The following SLIT2 variants were observed in gnomAD, a reference collection of about 807,000 sequenced individuals.
SLIT2 encodes the protein slit guidance ligand 2.
A neutral mutation model predicts 185.7 loss-of-function variants in SLIT2; 41 were observed. The observed-to-expected ratio is 0.22, with a 90% CI of 0.17 to 0.29. The LOEUF (loss-of-function observed/expected upper bound fraction) is 0.29, where lower values mean the gene tolerates loss of function less well. Ranked by LOEUF, SLIT2 falls within the 10% of genes least tolerant of loss-of-function variation. The pLI, the probability that SLIT2 is intolerant of heterozygous loss-of-function variation, is 1.00. For synonymous variants in SLIT2, 693 were observed against 680.2 expected (o/e 1.02, Z -0.29); for missense variants, 1,571 against 1,909.0 (o/e 0.82, Z 3.30).
At chr4:20,570,762 T>TATA (rs1332740694) in intron 29 of SLIT2, among the ~76,000 whole-genome samples, 1 of 134,520 alleles carries the variant, frequency 7.4e-6, no homozygotes, top group South Asian at 2.4e-4. Context: ...TATATATATA[T>TATA]TTCCTGATGA....
chr4:20,556,354 A>T (rs927777350), intron 26 of SLIT2, among the ~76,000 whole-genome samples: 1 of 152,024 alleles, frequency 6.6e-6, no homozygotes. Flanking sequence ...CTGCAAACTG[A>T]TTCTGTTACA....
chr4:20,511,593 T>TTTTTTTTATTTTTA (rs1553915389), intron 11 of SLIT2, among the ~76,000 whole-genome samples: 12 of 134,310 alleles, frequency 8.9e-5, no homozygotes, highest in African/African-American at 3.3e-4. Flanking sequence ...GCTAATTTTT[T>TTTTTTTTATTTTTA]TTTTTTTTTT....
intron 4 of SLIT2, among the ~76,000 whole-genome samples, chr4:20,467,244 C>G (rs1397664412): frequency 6.6e-6 from 1 of 152,102 alleles, no homozygotes; most frequent in East Asian, 1.9e-4. Context: ...TGCCATGTTC[C>G]ATTTTCAAGA....
At chr4:20,391,081 A>G (rs892227804) in intron 4 of SLIT2, among the ~76,000 whole-genome samples, 13 of 152,090 alleles carry the variant, frequency 8.5e-5, no homozygotes, top group African/African-American at 2.4e-4. Context: ...TGCTTTTATC[A>G]TAAATATCTA....
intron 29 of SLIT2, among the ~76,000 whole-genome samples, chr4:20,570,499 A>G (rs1725480747): frequency 6.6e-6 from 1 of 151,752 alleles, no homozygotes; most frequent in Non-Finnish European, 1.5e-5. Flanking sequence ...AGACTTCTCC[A>G]AGAAGCCCGA....
chr4:20,532,065 C>T lies in SLIT2; in HGVS notation c.1688+7C>T, dbSNP rs749090910. 2 of 1,484,384 alleles carry T rather than the reference C, an allele frequency of 1.3e-6. No homozygotes were observed. Among genetic ancestry groups the T allele is most frequent in the Admixed American group, 4.8e-5 (2 of 42,032 alleles). The allele number at this position is 1,484,384 out of a possible 1,614,324, so 92.0% of individuals were successfully genotyped here. A position where few individuals can be genotyped will look rare whatever the true frequency, so the allele number is the denominator to read the frequency against. On this transcript the variant is annotated splice_region_variant and intron_variant, in intron 17 of 36. Transcript: ENST00000504154. ...TTCCTCAATTACGTAAAATGTAAGT[C>T]ACTTGTTAGCTATTTTTTTTATTTC...
At chr4:20,487,667 G>A (rs1023139123) in intron 7 of SLIT2, among the ~76,000 whole-genome samples, 3 of 152,140 alleles carry the variant, frequency 2.0e-5, no homozygotes, top group Admixed American at 6.6e-5. Context: ...CGAGCAAGAG[G>A]TCACCCATCT....
At chr4:20,398,707 G>A (rs1726118316) in intron 4 of SLIT2, among the ~76,000 whole-genome samples, 1 of 151,472 alleles carries the variant, frequency 6.6e-6, no homozygotes, top group South Asian at 2.1e-4. Flanking sequence ...TTGATTCTAG[G>A]TTTTAATTTT....
At chr4:20,534,483 A>G (rs1722093550) in intron 18 of SLIT2, among the ~76,000 whole-genome samples, 1 of 152,226 alleles carries the variant, frequency 6.6e-6, no homozygotes, top group African/African-American at 2.4e-5. Flanking sequence ...TGAATTTTTC[A>G]TGTGGCATAC....
intron 4 of SLIT2, among the ~76,000 whole-genome samples, chr4:20,353,232 AC>A (rs1188140553): frequency 6.6e-6 from 1 of 152,234 alleles, no homozygotes; most frequent in Non-Finnish European, 1.5e-5. Context: ...AAAGGGTAAA[AC>A]ATTAGAACAT....
chr4:20,270,607 A>G (rs928297915), intron 4 of SLIT2, among the ~76,000 whole-genome samples: 2 of 151,922 alleles, frequency 1.3e-5, no homozygotes, highest in Admixed American at 1.3e-4. Context: ...AGATTTTTTT[A>G]TGTGTCTTTC....
intron 4 of SLIT2, among the ~76,000 whole-genome samples, chr4:20,383,963 C>T (rs1724737582): frequency 6.6e-6 from 1 of 152,130 alleles, no homozygotes; most frequent in African/African-American, 2.4e-5. Flanking sequence ...ACCTAGGCCT[C>T]CCAAAGTGCT....
rs374118588 is a variant in SLIT2, at chr4:20,541,431, A to G, written c.1977-22A>G. The G allele has an allele frequency of 5.0e-6, 8 of 1,612,048 alleles. No individual in the cohort carries two copies. In the African/African-American group the frequency reaches 5.3e-5, roughly 11 times the overall value. On this transcript the variant is annotated intron_variant, in intron 19 of 36. Transcript: ENST00000504154. ...GATGAAACCCCAGGCTAAACTGTGC[A>G]TCGTTTGCCTGTGGCTCTTAGAAAC...
intron 4 of SLIT2, among the ~76,000 whole-genome samples, chr4:20,460,742 T>C (rs1175823956): frequency 6.6e-6 from 1 of 152,182 alleles, no homozygotes; most frequent in Non-Finnish European, 1.5e-5. Flanking sequence ...TTTTAGAACC[T>C]GGAGGACATC....
At chr4:20,570,936 T>C (rs1725553561) in intron 29 of SLIT2, among the ~76,000 whole-genome samples, 1 of 151,824 alleles carries the variant, frequency 6.6e-6, no homozygotes, top group Admixed American at 6.6e-5. Context: ...TTTGAGTCTT[T>C]GTCTCACCTG....
At chr4:20,527,564 C>G (rs548092309) in intron 15 of SLIT2, among the ~76,000 whole-genome samples, 1 of 152,108 alleles carries the variant, frequency 6.6e-6, no homozygotes, top group Non-Finnish European at 1.5e-5. Flanking sequence ...GTATTACAGG[C>G]GTGAGCCACC....
intron 33 of SLIT2, among the ~76,000 whole-genome samples, chr4:20,600,142 A>T (rs994950147): frequency 2.0e-5 from 3 of 151,752 alleles, no homozygotes; most frequent in Admixed American, 6.6e-5. Context: ...TTTGTGGTTC[A>T]TTTTTTTTAA....
At chr4:20,330,163 A>C (rs557557855) in intron 4 of SLIT2, among the ~76,000 whole-genome samples, 2 of 152,054 alleles carry the variant, frequency 1.3e-5, no homozygotes, top group Non-Finnish European at 2.9e-5. Flanking sequence ...CTGAATGATC[A>C]ATTTATTCTG....
chr4:20,483,522 C>T (rs570086054), intron 6 of SLIT2, among the ~76,000 whole-genome samples: 1 of 151,910 alleles, frequency 6.6e-6, no homozygotes, highest in East Asian at 1.9e-4. Context: ...GAAATATATC[C>T]CTTGAATTGC....
Sources: allele counts gnomAD v4.1 joint callset (sites outside exome capture counted in the v4.1 genomes callset), GRCh38; gene constraint gnomAD v4.1.1; transcripts MANE v1.5; gene names NCBI Gene and HGNC (gene_info 2026-07-23, HGNC 2026-07-21).